DLG2: variants seen among roughly 807,000 people sequenced by gnomAD.
DLG2 encodes discs large MAGUK scaffold protein 2.
Under a neutral mutation model 132.5 loss-of-function variants are expected in DLG2, and 45 were observed. That is an observed-to-expected ratio of 0.34 (90% CI 0.27 to 0.44). The LOEUF is 0.44. DLG2 is among the 20% of genes least tolerant of loss of function. The pLI is 1.00. For synonymous variants in DLG2, 424 were observed against 419.6 expected (o/e 1.01, Z -0.13); for missense variants, 1,045 against 1,196.9 (o/e 0.87, Z 1.87).
chr11:85,098,820 T>C (rs1379534464), intron 6 of DLG2, among the ~76,000 whole-genome samples: 1 of 152,210 alleles, frequency 6.6e-6, no homozygotes, highest in Non-Finnish European at 1.5e-5. Flanking sequence ...TAATTAGGTG[T>C]TTGTTCTGAG....
chr11:84,796,782 G>T (rs1407707724), intron 6 of DLG2, among the ~76,000 whole-genome samples: 1 of 151,546 alleles, frequency 6.6e-6, no homozygotes, highest in Non-Finnish European at 1.5e-5. Flanking sequence ...GAGCTCCTTT[G>T]TATGTTATTT....
At chr11:83,507,370 G>C (rs2094756931) in intron 21 of DLG2, among the ~76,000 whole-genome samples, 1 of 149,766 alleles carries the variant, frequency 6.7e-6, no homozygotes, top group African/African-American at 2.5e-5. Context: ...ATCTGTATTA[G>C]GGTTCTCTAG....
intron 6 of DLG2, among the ~76,000 whole-genome samples, chr11:84,543,529 G>T (rs1023702762): frequency 1.3e-5 from 2 of 152,004 alleles, no homozygotes; most frequent in African/African-American, 4.8e-5. Context: ...AACCGTCCCC[G>T]CCCCTCTCCC....
chr11:85,447,141 C>T (rs1259841741), intron 3 of DLG2, among the ~76,000 whole-genome samples: 1 of 152,134 alleles, frequency 6.6e-6, no homozygotes, highest in Non-Finnish European at 1.5e-5. Context: ...ACTAATCTTA[C>T]AATTTTCACT....
chr11:83,679,464 T>G (rs1045213271), intron 18 of DLG2, among the ~76,000 whole-genome samples: 2 of 152,194 alleles, frequency 1.3e-5, no homozygotes, highest in African/African-American at 4.8e-5. Context: ...TTTGAATAAT[T>G]ATGTAAGGAT....
intron 7 of DLG2, among the ~76,000 whole-genome samples, chr11:84,288,120 TAAC>T (rs1178074371): frequency 6.6e-6 from 1 of 152,046 alleles, no homozygotes; most frequent in African/African-American, 2.4e-5. Context: ...ATTAAATAAT[TAAC>T]AATCCATTAA....
At chr11:84,406,982 G>T (rs1222483498) in intron 7 of DLG2, among the ~76,000 whole-genome samples, 1 of 152,180 alleles carries the variant, frequency 6.6e-6, no homozygotes, top group Non-Finnish European at 1.5e-5. Context: ...CCTAAAAGCT[G>T]TGAATTAGAA....
intron 18 of DLG2, among the ~76,000 whole-genome samples, chr11:83,710,084 A>G (rs555924446): frequency 5.3e-4 from 81 of 152,232 alleles, no homozygotes; most frequent in African/African-American, 1.8e-3. Flanking sequence ...GAGGAATATG[A>G]GGTGGGTACA....
chr11:84,692,318 C>T (rs1403833681), intron 6 of DLG2, among the ~76,000 whole-genome samples: 1 of 151,742 alleles, frequency 6.6e-6, no homozygotes, highest in Non-Finnish European at 1.5e-5. Context: ...TATCTTCATA[C>T]TTAGTCCTAA....
At position 83,833,767 on chromosome 11, in the gene DLG2, C is replaced by A. The variant is rs570064705; in HGVS notation, c.1569G>T (p.Glu523Asp). Reference protein sequence around the residue: ...TLQRAVSLEGEPRKVVLHKGS... With the variant: ...TLQRAVSLEGDPRKVVLHKGS... ...CTTTGTGCAGGACTACCTTGCGAGG[C>A]TCTCTGCAGAAAGAAATAGAGAACA... The change falls in exon 17 of 28, where the codon GAG becomes GAT. Residue 523 changes from glutamate to aspartate, a missense_variant. Coordinates refer to ENST00000376104, the MANE Select transcript of DLG2 (RefSeq NM_001142699.3). 1.2e-6 allele frequency: 2 copies of A among 1,613,400 alleles called. No homozygotes were observed. The highest frequency in any genetic ancestry group is 2.2e-5 in the South Asian group (2 of 91,010).
At chr11:85,131,337 AATT>A (rs930991341) in intron 5 of DLG2, among the ~76,000 whole-genome samples, 39 of 152,112 alleles carry the variant, frequency 2.6e-4, no homozygotes, top group Non-Finnish European at 4.9e-4. Flanking sequence ...CAGTATCTAA[AATT>A]ATTATAATTT....
intron 6 of DLG2, among the ~76,000 whole-genome samples, chr11:84,711,017 T>TAG (rs1555179023): frequency 3.4e-5 from 3 of 88,788 alleles, no homozygotes; most frequent in South Asian, 2.9e-4. Flanking sequence ...TAGATATATA[T>TAG]ATATATATAT....
chr11:84,641,092 G>A (rs1202019806), intron 6 of DLG2, among the ~76,000 whole-genome samples: 1 of 152,124 alleles, frequency 6.6e-6, no homozygotes, highest in African/African-American at 2.4e-5. Flanking sequence ...GTCACACACA[G>A]TCCATGGTCT....
chr11:85,337,125 A>C (rs994827896), intron 3 of DLG2, among the ~76,000 whole-genome samples: 1 of 152,268 alleles, frequency 6.6e-6, no homozygotes, highest in Non-Finnish European at 1.5e-5. Flanking sequence ...TAGGACACTT[A>C]AGTAATAATA....
intron 18 of DLG2, among the ~76,000 whole-genome samples, chr11:83,645,055 G>T (rs2067740123): frequency 6.6e-6 from 1 of 152,046 alleles, no homozygotes; most frequent in Admixed American, 6.6e-5. Context: ...TCACTGGTTG[G>T]GTGAGAAATG....
intron 18 of DLG2, among the ~76,000 whole-genome samples, chr11:83,694,668 T>C (rs2081570273): frequency 6.6e-6 from 1 of 152,250 alleles, no homozygotes; most frequent in South Asian, 2.1e-4. Context: ...TATGCTCTAT[T>C]TAAACCAGAT....
intron 6 of DLG2, among the ~76,000 whole-genome samples, chr11:84,988,963 T>C (rs922027604): frequency 3.3e-5 from 5 of 152,114 alleles, no homozygotes; most frequent in African/African-American, 1.2e-4. Flanking sequence ...AGGAAAATCC[T>C]AGTGTATAAA....
chr11:84,019,399 A>T (rs1019876252), intron 11 of DLG2, among the ~76,000 whole-genome samples: 3 of 152,146 alleles, frequency 2.0e-5, no homozygotes, highest in African/African-American at 7.2e-5. Context: ...AATGAACTAG[A>T]AGGGTGAAAC....
intron 18 of DLG2, among the ~76,000 whole-genome samples, chr11:83,729,959 G>A (rs1466626704): frequency 6.6e-6 from 1 of 151,992 alleles, no homozygotes; most frequent in Non-Finnish European, 1.5e-5. Context: ...TATCAGAAAA[G>A]TAAACCGCTT....
Sources: gnomAD v4.1 joint callset for allele counts (sites outside exome capture counted in the v4.1 genomes callset) on GRCh38, gnomAD v4.1.1 for gene constraint, MANE v1.5 for transcripts, NCBI Gene and HGNC (gene_info 2026-07-23, HGNC 2026-07-21) for gene names.